The following METAP1 variants were observed in gnomAD, a reference collection of about 807,000 sequenced individuals.
The protein encoded by METAP1 is methionine aminopeptidase 1.
In METAP1, 28 loss-of-function variants were observed where a neutral mutation model predicts 53.8. That is an observed-to-expected ratio of 0.52 (90% confidence interval 0.39 to 0.71). METAP1 has a LOEUF of 0.71. Ranked by LOEUF, METAP1 falls within the 30% of genes least tolerant of loss-of-function variation. The pLI is 0.00. For synonymous variants in METAP1, 181 were observed against 165.7 expected (o/e 1.09, Z -0.71); for missense variants, 389 against 479.8 (o/e 0.81, Z 1.77).
chr4:99,038,279 C>T (rs1560721089), intron 4 of METAP1, among the ~76,000 whole-genome samples: 1 of 151,758 alleles, frequency 6.6e-6, no homozygotes, highest in Non-Finnish European at 1.5e-5. Context: ...ATTTCTTTCT[C>T]TTGTTTAATT....
intron 1 of METAP1, among the ~76,000 whole-genome samples, chr4:99,010,118 T>C (rs887101689): frequency 9.2e-5 from 14 of 152,170 alleles, no homozygotes; most frequent in African/African-American, 3.1e-4. Context: ...CCCAACAGTG[T>C]TTATTGAAGA....
intron 5 of METAP1, among the ~76,000 whole-genome samples, chr4:99,039,872 G>T (rs902571341): frequency 1.3e-5 from 2 of 152,066 alleles, no homozygotes; most frequent in Admixed American, 1.3e-4. Flanking sequence ...GATTACAGGC[G>T]TGAGCCACCA....
At chr4:99,025,415 TCTGA>T (rs766885310) in intron 1 of METAP1, 1,222 of 985,358 alleles carry the variant, frequency 1.2e-3, no homozygotes, top group Non-Finnish European at 1.4e-3. Context: ...TTCTCTTAAC[TCTGA>T]CTCTTTTCAG....
intron 1 of METAP1, among the ~76,000 whole-genome samples, chr4:99,009,500 G>C (rs975817018): frequency 4.4e-4 from 67 of 152,176 alleles, no homozygotes; most frequent in African/African-American, 1.6e-3. Context: ...CAAGGGTTCT[G>C]ATTTCTCCAT....
At chr4:99,043,829 C>A (rs925768293) in intron 7 of METAP1, among the ~76,000 whole-genome samples, 2 of 152,116 alleles carry the variant, frequency 1.3e-5, no homozygotes, top group Non-Finnish European at 2.9e-5. Flanking sequence ...GCTTTAAAGA[C>A]CCCTATGTTA....
chr4:99,036,536 A>G (rs1725434408), intron 4 of METAP1, among the ~76,000 whole-genome samples: 1 of 152,122 alleles, frequency 6.6e-6, no homozygotes, highest in African/African-American at 2.4e-5. Flanking sequence ...GAACTATTCT[A>G]TATATGTAAA....
intron 2 of METAP1, chr4:99,031,806 A>G (rs1157967499): frequency 1.8e-5 from 7 of 383,058 alleles, no homozygotes; most frequent in Middle Eastern, 8.8e-4. Context: ...CAACTTTTTA[A>G]AGAATAAAGC....
At chr4:99,044,862 CT>C (rs2110382327) in intron 7 of METAP1, among the ~76,000 whole-genome samples, 1 of 152,274 alleles carries the variant, frequency 6.6e-6, no homozygotes, top group Non-Finnish European at 1.5e-5. Context: ...TTTAATGTTA[CT>C]AACTCTGGTA....
At chr4:99,005,964 A>G in intron 1 of METAP1, 1 of 215,814 alleles carries the variant, frequency 4.6e-6, no homozygotes, top group South Asian at 5.7e-5. Flanking sequence ...CTACATATTT[A>G]GTACAATGTA....
At chr4:99,013,666 G>A (rs1381057819) in intron 1 of METAP1, among the ~76,000 whole-genome samples, 2 of 152,200 alleles carry the variant, frequency 1.3e-5, no homozygotes, top group Non-Finnish European at 2.9e-5. Flanking sequence ...AACTGGATTG[G>A]TTAATAATTT....
intron 1 of METAP1, among the ~76,000 whole-genome samples, chr4:99,028,355 C>T (rs192975786): frequency 6.6e-6 from 1 of 152,258 alleles, no homozygotes; most frequent in East Asian, 1.9e-4. Context: ...ACATGCCAGG[C>T]ACTCTGCTTG....
At chr4:99,020,720 A>G (rs1036465258) in intron 1 of METAP1, among the ~76,000 whole-genome samples, 2 of 152,184 alleles carry the variant, frequency 1.3e-5, no homozygotes, top group South Asian at 2.1e-4. Flanking sequence ...AACTTTTGCT[A>G]TTAACATACA....
At chr4:99,005,480 A>G (rs1723131643) in intron 1 of METAP1, among the ~76,000 whole-genome samples, 2 of 152,214 alleles carry the variant, frequency 1.3e-5, no homozygotes. Context: ...GTCAAAGAAC[A>G]ATAGATGTTG....
chr4:99,023,974 T>C (rs1724339056), intron 1 of METAP1, among the ~76,000 whole-genome samples: 1 of 152,206 alleles, frequency 6.6e-6, no homozygotes, highest in African/African-American at 2.4e-5. Flanking sequence ...CTACTCCTCA[T>C]ATTGTCTTAT....
At chr4:99,039,633 G>T (rs1053752968) in intron 5 of METAP1, among the ~76,000 whole-genome samples, 168 bp downstream of exon 5, 3 of 149,022 alleles carry the variant, frequency 2.0e-5, no homozygotes, top group East Asian at 2.0e-4. Context: ...TCACTCTGTC[G>T]CCCAGGCTGG....
chr4:99,027,339 G>A (rs1724633073), intron 1 of METAP1, among the ~76,000 whole-genome samples: 1 of 152,066 alleles, frequency 6.6e-6, no homozygotes, highest in Non-Finnish European at 1.5e-5. Context: ...AGGAGATGGG[G>A]AAATGTGGAT....
intron 1 of METAP1, chr4:99,023,080 C>A (rs1724260762): frequency 1.5e-6 from 2 of 1,292,328 alleles, no homozygotes; most frequent in South Asian, 2.6e-5. Context: ...CTGGTCTGTC[C>A]CTTCCAGCGC....
At chr4:99,054,550 G>A (rs1726960918) in intron 9 of METAP1, among the ~76,000 whole-genome samples, 1 of 152,162 alleles carries the variant, frequency 6.6e-6, no homozygotes, top group South Asian at 2.1e-4. Flanking sequence ...GTGAAGTAGC[G>A]CTTTCAATTT....
chr4:99,043,409 C>A, intron 7 of METAP1, 22 bp downstream of exon 7: 1 of 1,565,994 alleles, frequency 6.4e-7, no homozygotes, highest in Admixed American at 1.9e-5. Flanking sequence ...ATGTTACTTT[C>A]ATCACCATGG....
Sources: gnomAD v4.1 joint callset for allele counts (sites outside exome capture counted in the v4.1 genomes callset) on GRCh38, gnomAD v4.1.1 for gene constraint, MANE v1.5 for transcripts, NCBI Gene and HGNC (gene_info 2026-07-23, HGNC 2026-07-21) for gene names.